The following GRB10 variants were observed in gnomAD, a reference collection of about 807,000 sequenced individuals.
The protein encoded by GRB10 is growth factor receptor bound protein 10, also known as growth factor receptor-bound protein 10.
Under a neutral mutation model 80.9 loss-of-function variants are expected in GRB10, and 20 were observed. That is an observed-to-expected ratio of 0.25 (90% CI 0.17 to 0.36). GRB10 has a LOEUF of 0.36. Among genes scored for constraint, GRB10 ranks in the 10% least tolerant of loss-of-function variants. The pLI is 1.00. For missense variants in GRB10, 548 were observed against 747.7 expected (o/e 0.73, Z 3.12); for synonymous variants, 291 against 291.5 (o/e 1.00, Z 0.02).
intron 3 of GRB10, among the ~76,000 whole-genome samples, chr7:50,755,571 G>A (rs927559784): frequency 6.6e-6 from 1 of 152,120 alleles, no homozygotes; most frequent in East Asian, 1.9e-4. Flanking sequence ...CCCACCATAT[G>A]GAAGGGCACA....
chr7:50,613,807 G>A (rs966417309), intron 12 of GRB10, among the ~76,000 whole-genome samples: 26 of 152,180 alleles, frequency 1.7e-4, no homozygotes, highest in African/African-American at 6.0e-4. Context: ...TATTCCCTGA[G>A]CAAGGTATGA....
chr7:50,683,043 T>C (rs1489173414), intron 5 of GRB10, among the ~76,000 whole-genome samples: 1 of 152,208 alleles, frequency 6.6e-6, no homozygotes, highest in Non-Finnish European at 1.5e-5. Flanking sequence ...ACAACAGCAC[T>C]ATTCACAACC....
rs772494770 is a variant in GRB10 at position 50,605,287 on chromosome 7, T to C, written c.1389+3A>G. 1.9e-6 allele frequency: 3 copies of C among 1,607,810 alleles called. No individual in the cohort carries two copies. In the South Asian group the frequency reaches 3.3e-5, roughly 18 times the overall value. ...TCCAGGCTGGCCAGGGCCGGGGCCT[T>C]ACCCTCCAGGCGTGGCCCTCCTCCA... is the stretch of plus-strand genomic sequence containing the variant. On this transcript the variant is annotated splice_donor_region_variant and intron_variant, in intron 15 of 18. Transcript: ENST00000401949.
chr7:50,643,565 CG>C (rs1344389316), intron 7 of GRB10, among the ~76,000 whole-genome samples: 2 of 152,148 alleles, frequency 1.3e-5, no homozygotes, highest in African/African-American at 2.4e-5. Flanking sequence ...TATGAACAAT[CG>C]GGGAAACCTG....
chr7:50,650,752 G>A (rs1032419525), intron 7 of GRB10, among the ~76,000 whole-genome samples: 1 of 152,200 alleles, frequency 6.6e-6, no homozygotes, highest in Non-Finnish European at 1.5e-5. Context: ...CCAAGGCTAC[G>A]ACACCAGGTG....
At chr7:50,777,555 C>T (rs138346382) in intron 2 of GRB10, among the ~76,000 whole-genome samples, 116 of 151,734 alleles carry the variant, frequency 7.6e-4, no homozygotes, top group African/African-American at 2.7e-3. Context: ...TACCTCAATA[C>T]AGCTTTTTTT....
At chr7:50,597,143 C>G (rs1313435584) in intron 17 of GRB10, among the ~76,000 whole-genome samples, 1 of 152,230 alleles carries the variant, frequency 6.6e-6, no homozygotes, top group Non-Finnish European at 1.5e-5. Flanking sequence ...TTCTCAGAGC[C>G]TTAAATATGT....
chr7:50,652,233 A>G (rs1326928572), intron 7 of GRB10, among the ~76,000 whole-genome samples: 1 of 152,250 alleles, frequency 6.6e-6, no homozygotes, highest in African/African-American at 2.4e-5. Flanking sequence ...TAATAAAAGA[A>G]TATGAGAGCA....
chr7:50,720,823 T>C (rs181639405), intron 4 of GRB10, among the ~76,000 whole-genome samples: 2 of 151,772 alleles, frequency 1.3e-5, no homozygotes, highest in Admixed American at 1.3e-4. Context: ...TTTTCATCAA[T>C]GTATTTACTG....
intron 4 of GRB10, among the ~76,000 whole-genome samples, chr7:50,728,589 G>A (rs2069072588): frequency 6.6e-6 from 1 of 152,032 alleles, no homozygotes; most frequent in Non-Finnish European, 1.5e-5. Flanking sequence ...TTCTGTAAAG[G>A]GTCAAACACT....
chr7:50,649,642 A>ATGAG (rs1207827695), intron 7 of GRB10, among the ~76,000 whole-genome samples: 2 of 152,206 alleles, frequency 1.3e-5, no homozygotes, highest in East Asian at 3.9e-4. Context: ...TGTGGATGAT[A>ATGAG]TGAGGCAAGG....
At chr7:50,602,704 G>A (rs1338994429) in intron 17 of GRB10, among the ~76,000 whole-genome samples, 1 of 152,196 alleles carries the variant, frequency 6.6e-6, no homozygotes, top group Non-Finnish European at 1.5e-5. Flanking sequence ...TAATTTAAAG[G>A]AGTTTTTTTG....
intron 7 of GRB10, chr7:50,645,613 C>T (rs1046100477): frequency 8.1e-6 from 8 of 985,394 alleles, no homozygotes; most frequent in African/African-American, 3.5e-5. Flanking sequence ...ATCCTCCAAT[C>T]GCCCGGAGTT....
Position 50,626,969 on chromosome 7 carries a change from C to T in GRB10, c.514G>A (p.Val172Ile). 1 of 1,614,204 alleles carries T rather than the reference C, an allele frequency of 6.2e-7. No individual in the cohort carries two copies. Among genetic ancestry groups the T allele is most frequent in the Non-Finnish European group, 8.5e-7 (1 of 1,180,022 alleles). Residue 172 changes from valine (V) to isoleucine (I), a missense_variant, in exon 8 of 19, where the codon GTC (valine) becomes ATC (isoleucine). Coordinates refer to ENST00000401949, the MANE Select transcript of GRB10 (RefSeq NM_001350814.2). ...SQAAAKQDVK[V>I]FSEDGTSKVV... ...TTGCTTGTCCCATCTTCACTAAAGA[C>T]TTTAACATCCTGCAACACACAAAGG... is the stretch of plus-strand genomic sequence containing the variant.
chr7:50,648,571 T>G (rs1243460455), intron 7 of GRB10, among the ~76,000 whole-genome samples: 1 of 152,114 alleles, frequency 6.6e-6, no homozygotes, highest in African/African-American at 2.4e-5. Context: ...GGAATCCTTA[T>G]CCCAAGTCCT....
chr7:50,615,717 AG>A (rs1457054151), intron 11 of GRB10, among the ~76,000 whole-genome samples: 1 of 152,244 alleles, frequency 6.6e-6, no homozygotes, highest in Non-Finnish European at 1.5e-5. Flanking sequence ...ATGGGAGCAA[AG>A]GAGCCTCCGG....
chr7:50,785,952 G>A (rs187018151), upstream of GRB10, among the ~76,000 whole-genome samples: 1 of 152,194 alleles, frequency 6.6e-6, no homozygotes, highest in Non-Finnish European at 1.5e-5. Flanking sequence ...ATAGTCAACT[G>A]TAACAAATGT....
intron 7 of GRB10, among the ~76,000 whole-genome samples, chr7:50,636,142 T>A (rs1020778025): frequency 2.0e-5 from 3 of 152,004 alleles, no homozygotes; most frequent in African/African-American, 7.2e-5. Context: ...CACACCTGGC[T>A]AATTTTTGTA....
intron 5 of GRB10, among the ~76,000 whole-genome samples, chr7:50,676,344 G>GGGGGGGGGGGGGGCGGGGGC (rs1563400777): frequency 7.4e-6 from 1 of 135,910 alleles, no homozygotes; most frequent in African/African-American, 2.5e-5. Context: ...CCGGGGGGGG[G>GGGGGGGGGGGGGGCGGGGGC]GGGGGGTTGT....
Sources: allele counts gnomAD v4.1 joint callset (sites outside exome capture counted in the v4.1 genomes callset), GRCh38; gene constraint gnomAD v4.1.1; transcripts MANE v1.5; gene names NCBI Gene and HGNC (gene_info 2026-07-23, HGNC 2026-07-21).